CTNNB1: variants seen among roughly 807,000 people sequenced by gnomAD.
CTNNB1 encodes catenin beta-1.
In CTNNB1, 6 loss-of-function variants were observed where a neutral mutation model predicts 82.5. The observed-to-expected ratio is 0.07, with a 90% CI of 0.04 to 0.14. The LOEUF (loss-of-function observed/expected upper bound fraction) is 0.14, where lower values mean the gene tolerates loss of function less well. Among genes scored for constraint, CTNNB1 ranks in the 10% least tolerant of loss-of-function variants. The pLI is 1.00. For missense variants in CTNNB1, 529 were observed against 980.4 expected (o/e 0.54, Z 6.15); for synonymous variants, 312 against 329.7 (o/e 0.95, Z 0.58).
At chr3:41,214,429 G>A (rs1232459034) in intron 1 of CTNNB1, among the ~76,000 whole-genome samples, 3 of 151,636 alleles carry the variant, frequency 2.0e-5, no homozygotes, top group Admixed American at 6.6e-5. Context: ...TCATGCATAT[G>A]TTGTGGCTGA....
chr3:41,202,449 TGTTA>T (rs1225586385), intron 1 of CTNNB1, among the ~76,000 whole-genome samples: 4 of 152,214 alleles, frequency 2.6e-5, no homozygotes, highest in Non-Finnish European at 4.4e-5. Flanking sequence ...TGAAAATATG[TGTTA>T]ACTTAGTTTT....
chr3:41,236,293 G>A (rs1178718653), intron 11 of CTNNB1, 56 bp from the exon 12 acceptor site: 17 of 1,603,996 alleles, frequency 1.1e-5, no homozygotes, highest in Non-Finnish European at 1.3e-5. Flanking sequence ...ACAGTGGGGG[G>A]CTTGCCATGT....
chr3:41,236,028 AT>A (rs1429700334), intron 11 of CTNNB1, 185 bp downstream of exon 11: 3 of 795,760 alleles, frequency 3.8e-6, no homozygotes, highest in Middle Eastern at 3.8e-4. Flanking sequence ...GAGATTTCAC[AT>A]TTCACTTTTA....
At chr3:41,239,008 G>A (rs1304884931) in intron 14 of CTNNB1, 126 bp from the exon 15 acceptor site, 2 of 835,852 alleles carry the variant, frequency 2.4e-6, no homozygotes, top group African/African-American at 3.3e-5. Context: ...AGAAAGCGTT[G>A]TTTTCTGACA....
rs758657130 is a variant in CTNNB1, at chr3:41,224,603, C to T, written c.91C>T (p.Leu31=). 1.9e-6 allele frequency: 3 copies of T among 1,613,934 alleles called. No individual in the cohort carries two copies. The East Asian group carries it at 6.7e-5, about 36-fold the overall frequency. The change falls in exon 3 of 15, where the codon CTG becomes TTG. Residue 31 remains leucine, a synonymous_variant. Transcript: ENST00000349496. ...TAGTCACTGGCAGCAACAGTCTTAC[C>T]TGGACTCTGGAATCCATTCTGGTGC... ...AVSHWQQQSY[L]DSGIHSGATT... is the part of the protein sequence containing the mutation.
intron 1 of CTNNB1, among the ~76,000 whole-genome samples, chr3:41,208,748 A>G (rs1249120461): frequency 6.6e-6 from 1 of 152,220 alleles, no homozygotes; most frequent in Non-Finnish European, 1.5e-5. Flanking sequence ...TTCCAAGATA[A>G]GGCCACTCAG....
intron 7 of CTNNB1, among the ~76,000 whole-genome samples, chr3:41,229,727 CA>C (rs1312683998): frequency 6.6e-6 from 1 of 152,084 alleles, no homozygotes; most frequent in Non-Finnish European, 1.5e-5. Context: ...TCTGTATTCT[CA>C]GTGAATAGAT....
At chr3:41,237,950 T>A (rs1005323336) in intron 13 of CTNNB1, 66 bp from the exon 14 acceptor site, 8 of 1,349,276 alleles carry the variant, frequency 5.9e-6, no homozygotes, top group South Asian at 1.2e-5. Context: ...TTAAAAAAAA[T>A]TAGTGTACTT....
rs1470970443 is a variant in CTNNB1, at chr3:41,235,563, T to TAA, written c.1684-161_1684-160insAA. 4.4e-6 allele frequency: 4 copies of TAA among 911,322 alleles called. No individual in the cohort carries two copies. In the East Asian group the frequency reaches 1.0e-4, roughly 24 times the overall value. The allele number at this position is 911,322 out of a possible 1,614,324, so 56.5% of individuals were successfully genotyped here. On this transcript the variant is annotated intron_variant, in intron 10 of 14. Transcript: ENST00000349496. ...AATTAGTGCTGCCAGGAGGCCTCTT[T>TAA]TCAGTGACATTCAAGTTAATGGAAT... is the stretch of plus-strand genomic sequence containing the variant.
intron 1 of CTNNB1, among the ~76,000 whole-genome samples, chr3:41,215,055 G>A (rs549441899): frequency 6.6e-6 from 1 of 151,964 alleles, no homozygotes; most frequent in Admixed American, 6.6e-5. Context: ...TGAATCTTTC[G>A]TGGTTCTGAA....
intron 2 of CTNNB1, 29 bp from the exon 3 acceptor site, chr3:41,224,497 C>G (rs2078127521): frequency 6.4e-7 from 1 of 1,565,242 alleles, no homozygotes; most frequent in Non-Finnish European, 8.8e-7. Context: ...TTCCAATCTA[C>G]TAATGCTAAT....
At chr3:41,211,299 T>G (rs1018515269) in intron 1 of CTNNB1, among the ~76,000 whole-genome samples, 2 of 152,228 alleles carry the variant, frequency 1.3e-5, no homozygotes, top group Non-Finnish European at 2.9e-5. Context: ...AATGTCCTTA[T>G]GTGATGCATG....
Position 41,235,760 on chromosome 3 carries a change from A to G in CTNNB1, c.1720A>G (p.Thr574Ala). The stretch of plus-strand genomic sequence containing the variant: ...CATGGAAGAAATAGTTGAAGGTTGT[A>G]CCGGAGCCCTTCACATCCTAGCTCG... ...VRMEEIVEGC[T>A]GALHILARDV... The change falls in exon 11 of 15, where the codon ACC becomes GCC. Residue 574 changes from threonine (T) to alanine (A), a missense_variant. Physicochemically the swap from Thr to Ala is moderately conservative, Grantham distance 58 (BLOSUM62 0). This residue lies in a region of CTNNB1 where 411 missense variants were observed against 776.4 expected (regional missense o/e 0.53). Transcript: ENST00000349496. The G allele has an allele frequency of 3.7e-6, 6 of 1,614,164 alleles. No homozygotes were observed. The highest frequency in any genetic ancestry group is 5.1e-6 in the Non-Finnish European group (6 of 1,179,986).
chr3:41,200,255 G>A (rs1417493832), intron 1 of CTNNB1: 4 of 152,162 alleles, frequency 2.6e-5, no homozygotes, highest in Admixed American at 2.0e-4. Context: ...CTGGCTATGT[G>A]AGTTTGAATC....
intron 1 of CTNNB1, among the ~76,000 whole-genome samples, chr3:41,220,041 T>G (rs1406002353): frequency 6.6e-6 from 1 of 152,160 alleles, no homozygotes; most frequent in African/African-American, 2.4e-5. Flanking sequence ...ATGTCATCAT[T>G]TACTGTGTGG....
intron 1 of CTNNB1, chr3:41,222,123 T>G (rs1485068848): frequency 6.6e-6 from 1 of 152,184 alleles, no homozygotes; most frequent in African/African-American, 2.4e-5. Context: ...TTTGGCTAAT[T>G]GGGAGCACTA....
chr3:41,219,029 T>C (rs115576949), intron 1 of CTNNB1, among the ~76,000 whole-genome samples: 231 of 152,360 alleles, frequency 1.5e-3, no homozygotes, highest in Non-Finnish European at 2.5e-3. Context: ...TAAAATTATA[T>C]TTTGGAAATT....
chr3:41,234,417 C>G, intron 10 of CTNNB1, 120 bp downstream of exon 10: 1 of 944,098 alleles, frequency 1.1e-6, no homozygotes, highest in East Asian at 2.6e-5. Context: ...GAGCTAATGA[C>G]AAAGTAAATA....
intron 1 of CTNNB1, among the ~76,000 whole-genome samples, chr3:41,209,851 C>G (rs775795978): frequency 6.6e-6 from 1 of 152,052 alleles, no homozygotes; most frequent in Admixed American, 6.5e-5. Context: ...GGTGAGTCAG[C>G]GAGTGACGAT....
Sources: allele counts gnomAD v4.1 joint callset (sites outside exome capture counted in the v4.1 genomes callset), GRCh38; gene constraint gnomAD v4.1.1; regional missense constraint gnomAD v4.1.1; transcripts MANE v1.5; gene names NCBI Gene and HGNC (gene_info 2026-07-23, HGNC 2026-07-21).